PCCA: variants seen among roughly 807,000 people sequenced by gnomAD.
PCCA encodes propionyl-CoA carboxylase alpha chain, mitochondrial.
PCCA carries 74 observed loss-of-function variants against 101.3 expected under a neutral mutation model. The observed-to-expected ratio is 0.73, with a 90% CI of 0.61 to 0.89. The LOEUF is 0.89. Ranked by LOEUF, PCCA falls within the 40% of genes least tolerant of loss-of-function variation. The pLI, the probability that PCCA is intolerant of heterozygous loss-of-function variation, is 0.00. For missense variants in PCCA, 891 were observed against 907.0 expected (o/e 0.98, Z 0.23); for synonymous variants, 294 against 313.6 (o/e 0.94, Z 0.66).
At chr13:100,222,198 G>A (rs1234229663) in intron 7 of PCCA, among the ~76,000 whole-genome samples, 3 of 152,142 alleles carry the variant, frequency 2.0e-5, no homozygotes, top group African/African-American at 4.8e-5. Flanking sequence ...GCGCCACCAT[G>A]CCTGGCTAAT....
At chr13:100,421,278 A>G (rs1229759761) in intron 19 of PCCA, among the ~76,000 whole-genome samples, 1 of 152,072 alleles carries the variant, frequency 6.6e-6, no homozygotes, top group African/African-American at 2.4e-5. Flanking sequence ...ATTTGTGGGG[A>G]AAAACAAGCC....
At chr13:100,153,935 A>T (rs2053619212) in intron 4 of PCCA, among the ~76,000 whole-genome samples, 1 of 152,228 alleles carries the variant, frequency 6.6e-6, no homozygotes, top group Non-Finnish European at 1.5e-5. Flanking sequence ...TTAGCTTTCT[A>T]AAAGACTACT....
At chr13:100,323,778 C>G (rs970940996) in intron 16 of PCCA, among the ~76,000 whole-genome samples, 1 of 152,026 alleles carries the variant, frequency 6.6e-6, no homozygotes, top group African/African-American at 2.4e-5. Flanking sequence ...TTTTTGAGAG[C>G]CCAGCATTGC....
chr13:100,171,804 G>A (rs571090203), intron 6 of PCCA, among the ~76,000 whole-genome samples: 27 of 151,984 alleles, frequency 1.8e-4, no homozygotes, highest in Non-Finnish European at 3.8e-4. Context: ...AAGCCAAGGT[G>A]GACAGATCAC....
At chr13:100,263,990 CGGTATCTGTATATCGTAT>C (rs2062728593) in intron 10 of PCCA, among the ~76,000 whole-genome samples, 3 of 142,378 alleles carry the variant, frequency 2.1e-5, no homozygotes, top group African/African-American at 5.2e-5. Flanking sequence ...GTCATATATA[CGGTATCTGTATATCGTAT>C]ATATACGGTA....
At chr13:100,516,811 C>T (rs963823341) in intron 22 of PCCA, among the ~76,000 whole-genome samples, 1 of 146,774 alleles carries the variant, frequency 6.8e-6, no homozygotes, top group Admixed American at 6.9e-5. Flanking sequence ...GAGTTAGGGT[C>T]GTAAGAGGAT....
intron 7 of PCCA, among the ~76,000 whole-genome samples, chr13:100,210,597 G>A (rs746339642): frequency 6.6e-6 from 1 of 152,210 alleles, no homozygotes; most frequent in East Asian, 1.9e-4. Context: ...GCAGCTGAAG[G>A]CTTCTGAGGG....
intron 8 of PCCA, among the ~76,000 whole-genome samples, chr13:100,254,234 G>A (rs1043577258): frequency 6.6e-6 from 1 of 152,058 alleles, no homozygotes; most frequent in Non-Finnish European, 1.5e-5. Flanking sequence ...GTCACCTCCC[G>A]CCAGGTCCCT....
chr13:100,089,343 C>G (rs1389434234), intron 1 of PCCA, 118 bp downstream of exon 1: 6 of 1,269,914 alleles, frequency 4.7e-6, no homozygotes, highest in Non-Finnish European at 6.1e-6. Flanking sequence ...CGCCCCGGTT[C>G]CGCATCAGCT....
intron 4 of PCCA, among the ~76,000 whole-genome samples, chr13:100,146,788 AT>A (rs2052625354): frequency 6.6e-6 from 1 of 151,572 alleles, no homozygotes; most frequent in South Asian, 2.1e-4. Flanking sequence ...TTGACCTAAG[AT>A]TTTAAATGTG....
intron 19 of PCCA, among the ~76,000 whole-genome samples, chr13:100,383,193 T>C (rs1210686414): frequency 1.3e-5 from 2 of 151,948 alleles, no homozygotes; most frequent in Non-Finnish European, 2.9e-5. Context: ...GTTTTCGCCA[T>C]GTTGCCTAGG....
At chr13:100,411,159 T>C (rs920218724) in intron 19 of PCCA, among the ~76,000 whole-genome samples, 1 of 152,106 alleles carries the variant, frequency 6.6e-6, no homozygotes, top group African/African-American at 2.4e-5. Flanking sequence ...CTTTACAAAC[T>C]TGGCAGAAAC....
chr13:100,100,223 T>G (rs117507448), intron 1 of PCCA, among the ~76,000 whole-genome samples: 4,860 of 152,286 alleles, frequency 0.032, 123 homozygotes, highest in Admixed American at 0.05. Context: ...GTCTTGTGAC[T>G]CTGAGGGTCA....
At chr13:100,154,941 C>A in intron 4 of PCCA, 38 bp from the exon 5 acceptor site, 2 of 1,311,402 alleles carry the variant, frequency 1.5e-6, no homozygotes, top group Non-Finnish European at 2.2e-6. Flanking sequence ...ATTCTTTTTG[C>A]TGGGCGCATC....
At chr13:100,301,186 T>C (rs1175677763) in intron 12 of PCCA, among the ~76,000 whole-genome samples, 2 of 152,224 alleles carry the variant, frequency 1.3e-5, no homozygotes, top group Non-Finnish European at 2.9e-5. Context: ...AAATTAAAAT[T>C]CTTAAATATT....
intron 20 of PCCA, among the ~76,000 whole-genome samples, chr13:100,447,260 T>A (rs2080900295): frequency 6.6e-6 from 1 of 151,610 alleles, no homozygotes; most frequent in East Asian, 1.9e-4. Context: ...GGGAGATGCC[T>A]ATAGTCCCAG....
chr13:100,351,719 G>A (rs1261745683), intron 18 of PCCA, among the ~76,000 whole-genome samples: 1 of 152,122 alleles, frequency 6.6e-6, no homozygotes, highest in African/African-American at 2.4e-5. Context: ...CTTAAAATAA[G>A]TAATTTAATA....
chr13:100,150,350 C>G (rs1594381735), intron 4 of PCCA: 1 of 203,824 alleles, frequency 4.9e-6, no homozygotes, highest in East Asian at 1.4e-4. Context: ...ACTTTTTAAC[C>G]TATTTATATC....
chr13:100,139,021 T>C (rs2051538608), intron 4 of PCCA, among the ~76,000 whole-genome samples: 1 of 151,672 alleles, frequency 6.6e-6, no homozygotes, highest in Non-Finnish European at 1.5e-5. Flanking sequence ...GAATATAGAG[T>C]ACTGAGTTGA....
Sources: gnomAD v4.1 joint callset for allele counts (sites outside exome capture counted in the v4.1 genomes callset) on GRCh38, gnomAD v4.1.1 for gene constraint, MANE v1.5 for transcripts, NCBI Gene and HGNC (gene_info 2026-07-23, HGNC 2026-07-21) for gene names.